The following IL17RA variants were observed in gnomAD, a reference collection of about 807,000 sequenced individuals.
IL17RA encodes interleukin-17 receptor A.
In IL17RA, 34 loss-of-function variants were observed where a neutral mutation model predicts 50.4. That is an observed-to-expected ratio of 0.67 (90% CI 0.51 to 0.90). The LOEUF (loss-of-function observed/expected upper bound fraction) is 0.90, where lower values mean the gene tolerates loss of function less well. Ranked by LOEUF, IL17RA falls within the 40% of genes least tolerant of loss-of-function variation. The pLI, the probability that IL17RA is intolerant of heterozygous loss-of-function variation, is 0.00. For missense variants in IL17RA, 1,276 were observed against 1,169.8 expected (o/e 1.09, Z -1.32); for synonymous variants, 585 against 510.4 (o/e 1.15, Z -1.97).
At position 17,108,455 on chromosome 22, in the gene IL17RA, G is replaced by C. The variant is rs1265770384; in HGVS notation, c.1236G>C (p.Leu412=). The C allele has an allele frequency of 3.1e-6, 5 of 1,613,736 alleles. No individual in the cohort carries two copies. The African/African-American group carries it at 6.7e-5, about 22-fold the overall frequency. The change falls in exon 13 of 13, where the codon CTG becomes CTC. Residue 412 remains leucine, a synonymous_variant. Transcript: ENST00000319363. ...LLTACGTEVA[L]DLLEEQAISE... is the part of the protein sequence containing the mutation. ...CCGCCTGCGGCACGGAAGTGGCCCT[G>C]GACCTGCTGGAAGAGCAGGCCATCT...
Position 17,109,411 on chromosome 22 carries a change from G to GC in IL17RA, c.2193dup (p.Thr732HisfsTer7), listed in dbSNP as rs2061430283. ...CCCGAGGACTCGCCCCTTGGCAGCAGCACCCCCATGGCGTCTCCTGACCTC... is the reference window on the plus strand; with the variant it reads ...CCCGAGGACTCGCCCCTTGGCAGCAGCCACCCCCATGGCGTCTCCTGACCTC... On this transcript the variant is annotated frameshift_variant, in exon 13 of 13. Coordinates refer to ENST00000319363, the MANE Select transcript of IL17RA (RefSeq NM_014339.7). LOFTEE classifies it low-confidence loss of function (END_TRUNC). 6.2e-6 allele frequency: 10 copies of GC among 1,613,230 alleles called. No individual in the cohort carries two copies. The highest frequency in any genetic ancestry group is 8.5e-6 in the Non-Finnish European group (10 of 1,179,966).
chr22:17,108,387 C>A lies in IL17RA; in HGVS notation c.1168C>A (p.Leu390Ile), dbSNP rs528982481. 4 of 1,614,076 alleles carry A rather than the reference C, an allele frequency of 2.5e-6. No individual in the cohort carries two copies. The South Asian group carries it at 4.4e-5, about 18-fold the overall frequency. Reference protein sequence around the residue: ...VWIIYSADHPLYVDVVLKFAQ... With the variant: ...VWIIYSADHPIYVDVVLKFAQ... ...GATCATCTACTCAGCCGACCACCCCCTCTACGTGGACGTGGTCCTGAAATT... is the reference window on the plus strand; with the variant it reads ...GATCATCTACTCAGCCGACCACCCCATCTACGTGGACGTGGTCCTGAAATT... The change falls in exon 13 of 13, where the codon CTC becomes ATC. Residue 390 changes from leucine (L) to isoleucine (I), a missense_variant. Leu to Ile is a conservative substitution (Grantham distance 5, BLOSUM62 2). Transcript: ENST00000319363.
At chr22:17,088,007 T>A (rs2061334310) in intron 1 of IL17RA, among the ~76,000 whole-genome samples, 1 of 152,214 alleles carries the variant, frequency 6.6e-6, no homozygotes, top group Admixed American at 6.5e-5. Context: ...CAAAGTTGTG[T>A]TCTTTGTGCC....
chr22:17,099,013 T>G (rs2061379931), intron 4 of IL17RA, 126 bp downstream of exon 4: 1 of 790,826 alleles, frequency 1.3e-6, no homozygotes, highest in Non-Finnish European at 2.2e-6. Flanking sequence ...TCTGTGGAAT[T>G]CAGAATGGCA....
In IL17RA at chr22:17,098,490, G is replaced by A. The variant is rs373531275; in HGVS notation, c.311-285G>A. Among the ~76,000 whole-genome samples the A allele has an allele frequency of 5.9e-5, 9 of 152,304 alleles. 1 individual carries two copies. Among genetic ancestry groups the A allele is most frequent in the East Asian group, 3.9e-4 (2 of 5,180 alleles). ...GAGGATGGTGGGGATGGCTGTGTTTGACACCCATGCCAGATTGTCAAAGCC... is the reference window on the plus strand; with the variant it reads ...GAGGATGGTGGGGATGGCTGTGTTTAACACCCATGCCAGATTGTCAAAGCC... On this transcript the variant is annotated intron_variant, in intron 3 of 12. Transcript: ENST00000319363.
At position 17,085,091 on chromosome 22, in the gene IL17RA, C is replaced by A. The variant is rs1252202025; in HGVS notation, c.-1C>A. ...GAGCCCTCCGCGACGCCAGCCGGGCCATGGGGGCCGCACGCAGCCCGCCGT... is the reference window on the plus strand; with the variant it reads ...GAGCCCTCCGCGACGCCAGCCGGGCAATGGGGGCCGCACGCAGCCCGCCGT... On this transcript the variant is annotated 5_prime_UTR_variant, in exon 1 of 13. Coordinates refer to ENST00000319363, the MANE Select transcript of IL17RA (RefSeq NM_014339.7). 3 of 1,337,826 alleles carry A rather than the reference C, an allele frequency of 2.2e-6. No homozygotes were observed. Among genetic ancestry groups the A allele is most frequent in the South Asian group, 1.9e-5 (1 of 53,590 alleles). The allele number at this position is 1,337,826 out of a possible 1,614,324, so 82.9% of individuals were successfully genotyped here. A position where few individuals can be genotyped will look rare whatever the true frequency, so the allele number is the denominator to read the frequency against.
chr22:17,087,610 G>A (rs2061332942), intron 1 of IL17RA, among the ~76,000 whole-genome samples: 1 of 152,240 alleles, frequency 6.6e-6, no homozygotes, highest in South Asian at 2.1e-4. Context: ...ACCAACCATA[G>A]CAATGGTTCC....
chr22:17,104,779 T>G lies in IL17RA; in HGVS notation c.900T>G (p.Thr300=), dbSNP rs780730644. The change falls in exon 9 of 13, where the codon ACT becomes ACG. Residue 300 remains threonine, a synonymous_variant. Transcript: ENST00000319363. ...ATGACTGCCTCAGACACTCCGCGAC[T>G]GTTTCCTGCCCAGAAATGCCAGACA... ...CLNDCLRHSA[T]VSCPEMPDTP... is the part of the protein sequence containing the mutation. The G allele has an allele frequency of 1.2e-6, 2 of 1,614,012 alleles. No homozygotes were observed. The highest frequency in any genetic ancestry group is 1.7e-6 in the Non-Finnish European group (2 of 1,179,990).
At position 17,113,045 on chromosome 22, in the gene IL17RA, TTC is replaced by T. The variant is rs1209638337; in HGVS notation, c.*3229_*3230del. The T allele has an allele frequency of 1.3e-5, 2 of 151,500 alleles. No homozygotes were observed. Among genetic ancestry groups the T allele is most frequent in the Non-Finnish European group, 2.9e-5 (2 of 67,946 alleles). 9.4% of individuals were successfully genotyped at this position (151,500 alleles called of 1,614,324 possible). On this transcript the variant is annotated 3_prime_UTR_variant, in exon 13 of 13. Coordinates refer to ENST00000319363, the MANE Select transcript of IL17RA (RefSeq NM_014339.7). ...ATAATTACTTTGATTCAAAACCAGT[TTC>T]TCTTTTCTGCATAGGAAGGTCCTTG... is the stretch of plus-strand genomic sequence containing the variant.
chr22:17,114,342 G>A lies in IL17RA; in HGVS notation c.*4522G>A, dbSNP rs2061458113. On this transcript the variant is annotated 3_prime_UTR_variant, in exon 13 of 13. Coordinates refer to ENST00000319363, the MANE Select transcript of IL17RA (RefSeq NM_014339.7). ...AGCACTGGGTCCACACTCTCGCCCT[G>A]TCCATTTAGGTTGATGAAAGCAGGC... 1 of 152,298 alleles carries A rather than the reference G, an allele frequency of 6.6e-6. No homozygotes were observed. The highest frequency in any genetic ancestry group is 2.4e-5 in the African/African-American group (1 of 41,424). 9.4% of individuals were successfully genotyped at this position (152,298 alleles called of 1,614,324 possible). A position where few individuals can be genotyped will look rare whatever the true frequency, so the allele number is the denominator to read the frequency against.
intron 2 of IL17RA, 61 bp from the exon 3 acceptor site, chr22:17,097,736 G>T: frequency 6.2e-7 from 1 of 1,605,286 alleles, no homozygotes; most frequent in Non-Finnish European, 8.5e-7. Context: ...TGTACCTGCT[G>T]CTGGGGCATC....
chr22:17,085,302 G>C lies in IL17RA; in HGVS notation c.138+73G>C, dbSNP rs543967704. On this transcript the variant is annotated intron_variant, in intron 1 of 12. Coordinates refer to ENST00000319363, the MANE Select transcript of IL17RA (RefSeq NM_014339.7). ...GGGGCAAGGTCGCGGAGGGCCGGACGGTCGGGACTACGCGCCCGGGCTGGG... is the reference window on the plus strand; with the variant it reads ...GGGGCAAGGTCGCGGAGGGCCGGACCGTCGGGACTACGCGCCCGGGCTGGG... The C allele has an allele frequency of 1.8e-5, 27 of 1,523,142 alleles. No homozygotes were observed. The East Asian group carries it at 6.8e-4, about 38-fold the overall frequency. 94.4% of individuals were successfully genotyped at this position (1,523,142 alleles called of 1,614,324 possible). A position where few individuals can be genotyped will look rare whatever the true frequency, so the allele number is the denominator to read the frequency against.
At chr22:17,094,675 C>CTATATATATATATGTGTATATATA (rs1568917420) in intron 1 of IL17RA, among the ~76,000 whole-genome samples, 1 of 49,336 alleles carries the variant, frequency 2.0e-5, no homozygotes, top group Non-Finnish European at 3.9e-5. Flanking sequence ...CTCTCTCTCT[C>CTATATATATATATGTGTATATATA]TCTCTCTCTC....
chr22:17,096,869 CA>C (rs5844287), intron 1 of IL17RA, among the ~76,000 whole-genome samples, 192 bp from the exon 2 acceptor site: 74,883 of 115,844 alleles, frequency 0.65, 23,545 homozygotes, highest in African/African-American at 0.78. Flanking sequence ...GACTCCATCT[CA>C]AAAAAAAAAA....
At chr22:17,099,120 AC>A (rs1234831242) in intron 4 of IL17RA, among the ~76,000 whole-genome samples, 1 of 152,162 alleles carries the variant, frequency 6.6e-6, no homozygotes, top group Non-Finnish European at 1.5e-5. Flanking sequence ...TCACCTGCTC[AC>A]CCCTGGTTTT....
At position 17,100,331 on chromosome 22, in the gene IL17RA, C is replaced by CT. The variant is rs759345523; in HGVS notation, c.424-22dup. 9 of 1,613,840 alleles carry CT rather than the reference C, an allele frequency of 5.6e-6. No homozygotes were observed. The African/African-American group carries it at 8.0e-5, about 14-fold the overall frequency. ...ACAGAGGTGTGTGTAATCCATCCACCTTCCCTTCCTCCCTTCTCTTCAGTG... is the reference window on the plus strand; with the variant it reads ...ACAGAGGTGTGTGTAATCCATCCACCTTTCCCTTCCTCCCTTCTCTTCAGTG... On this transcript the variant is annotated intron_variant, in intron 4 of 12. Coordinates refer to ENST00000319363, the MANE Select transcript of IL17RA (RefSeq NM_014339.7).
chr22:17,099,905 A>G (rs981191055), intron 4 of IL17RA, among the ~76,000 whole-genome samples: 2 of 152,214 alleles, frequency 1.3e-5, no homozygotes, highest in African/African-American at 4.8e-5. Flanking sequence ...TTTTTACTCC[A>G]TAATGGTCTC....
At chr22:17,106,635 G>T (rs887818257) in intron 11 of IL17RA, among the ~76,000 whole-genome samples, 1 of 152,292 alleles carries the variant, frequency 6.6e-6, no homozygotes, top group Admixed American at 6.5e-5. Flanking sequence ...TTCAGCCCTT[G>T]CCTGCCCCAC....
In IL17RA at chr22:17,111,851, T is replaced by C. The variant is rs1240359377; in HGVS notation, c.*2031T>C. 1 of 152,170 alleles carries C rather than the reference T, an allele frequency of 6.6e-6. No homozygotes were observed. The highest frequency in any genetic ancestry group is 1.9e-4 in the East Asian group (1 of 5,190). 9.4% of individuals were successfully genotyped at this position (152,170 alleles called of 1,614,324 possible). A position where few individuals can be genotyped will look rare whatever the true frequency, so the allele number is the denominator to read the frequency against. On this transcript the variant is annotated 3_prime_UTR_variant, in exon 13 of 13. Transcript: ENST00000319363. Reference sequence around the variant, plus strand: ...TTACTGTAGGTCAAGAAGTTGCTAGTTGCGGAGTTTTTTCTTGCAGTTAGA... The same window carrying C: ...TTACTGTAGGTCAAGAAGTTGCTAGCTGCGGAGTTTTTTCTTGCAGTTAGA...
Sources: gnomAD v4.1 joint callset for allele counts (sites outside exome capture counted in the v4.1 genomes callset) on GRCh38, gnomAD v4.1.1 for gene constraint, MANE v1.5 for transcripts, NCBI Gene and HGNC (gene_info 2026-07-23, HGNC 2026-07-21) for gene names.